The following RBPJ variants were observed in gnomAD, a reference collection of about 807,000 sequenced individuals.
The protein encoded by RBPJ is recombining binding protein suppressor of hairless.
In RBPJ, 9 loss-of-function variants were observed where a neutral mutation model predicts 67.8. The ratio of observed to expected loss-of-function variants is 0.13; its 90% CI spans 0.08 to 0.23. RBPJ has a LOEUF of 0.23. RBPJ is among the 10% of genes least tolerant of loss of function. The pLI is 1.00. For synonymous variants in RBPJ, 198 were observed against 203.3 expected, an observed-to-expected ratio of 0.97 and a Z score of 0.22; for missense variants, 305 against 595.6, an observed-to-expected ratio of 0.51 and a Z score of 5.08.
At chr4:26,307,282 C>A (rs1168732928) in intron 1 of RBPJ, among the ~76,000 whole-genome samples, 2 of 152,174 alleles carry the variant, frequency 1.3e-5, no homozygotes, top group Non-Finnish European at 2.9e-5. Context: ...TCACAGCATC[C>A]CTTTAACTAG....
rs1730809752 is a variant in RBPJ at position 26,385,384 on chromosome 4, C to T, written c.21-969C>T. Among the ~76,000 whole-genome samples, 3 of 152,154 alleles carry T rather than the reference C, an allele frequency of 2.0e-5. No individual in the cohort carries two copies. The South Asian group carries it at 6.2e-4, about 32-fold the overall frequency. On this transcript the variant is annotated intron_variant, in intron 1 of 10. Transcript: ENST00000355476. ...CCTCAACAACTCTTTGAGGTAAGCA[C>T]AGTCACTGTGTCCTTTTTACAGATG... is the stretch of plus-strand genomic sequence containing the variant.
At chr4:26,218,627 G>C (rs572346058) in intron 1 of RBPJ, among the ~76,000 whole-genome samples, 1 of 152,140 alleles carries the variant, frequency 6.6e-6, no homozygotes, top group South Asian at 2.1e-4. Context: ...TGTGCCAGGC[G>C]TGCAAATCCC....
chr4:26,161,946 A>G (rs1204944636), upstream of RBPJ, among the ~76,000 whole-genome samples: 1 of 152,214 alleles, frequency 6.6e-6, no homozygotes, highest in Non-Finnish European at 1.5e-5. Flanking sequence ...AGGAGAATAG[A>G]ATACTTGGCT....
intron 1 of RBPJ, among the ~76,000 whole-genome samples, chr4:26,374,714 T>TC (rs780404451): frequency 6.6e-6 from 1 of 151,974 alleles, no homozygotes; most frequent in Non-Finnish European, 1.5e-5. Context: ...GACCTAGTGA[T>TC]CCACCTGCCT....
intron 1 of RBPJ, among the ~76,000 whole-genome samples, chr4:26,364,955 G>A (rs1370292846): frequency 6.6e-6 from 1 of 151,966 alleles, no homozygotes; most frequent in Non-Finnish European, 1.5e-5. Context: ...AGCTTACTTA[G>A]ATCCTGGGGT....
rs531525041 is a variant in RBPJ at position 26,290,310 on chromosome 4, C to A, written c.-166-72136C>A. Among the ~76,000 whole-genome samples, 32 of 127,024 alleles carry A rather than the reference C, an allele frequency of 2.5e-4. No individual in the cohort carries two copies. In the South Asian group the frequency reaches 7.9e-3, roughly 31 times the overall value. 83.3% of individuals were successfully genotyped at this position (127,024 alleles called of 152,430 possible). On this transcript the variant is annotated intron_variant, in intron 1 of 4. Coordinates refer to the RBPJ transcript ENST00000512351. ...GCTATGATTGCACCACAGAACGAGA[C>A]CCTGTCTAAAAAAAAAAAAAAAAAA...
intron 1 of RBPJ, among the ~76,000 whole-genome samples, chr4:26,263,983 T>G (rs1720631698): frequency 6.6e-6 from 1 of 152,032 alleles, no homozygotes; most frequent in Non-Finnish European, 1.5e-5. Context: ...TAAGCGATTC[T>G]CCTGTCTCAG....
At chr4:26,114,435 C>T in the RBPJ span, among the ~76,000 whole-genome samples, 1 of 137,144 alleles carries the variant, frequency 7.3e-6, no homozygotes, top group Non-Finnish European at 1.6e-5. Context: ...CCAGCCCAGG[C>T]AACAAGAGTG....
chr4:26,243,785 T>C (rs929113813), intron 1 of RBPJ, among the ~76,000 whole-genome samples: 4 of 152,300 alleles, frequency 2.6e-5, no homozygotes, highest in African/African-American at 7.2e-5. Context: ...CATATTTATC[T>C]TAAAAGCTAT....
intron 1 of RBPJ, among the ~76,000 whole-genome samples, chr4:26,271,312 T>G (rs1222339619): frequency 1.3e-5 from 2 of 152,206 alleles, no homozygotes; most frequent in Non-Finnish European, 2.9e-5. Flanking sequence ...GGCTTGAGAC[T>G]TATCACCCAT....
intron 1 of RBPJ, among the ~76,000 whole-genome samples, chr4:26,373,797 CATACAT>C (rs1356938277): frequency 2.0e-5 from 3 of 152,050 alleles, no homozygotes; most frequent in Non-Finnish European, 4.4e-5. Context: ...AGATTTATGA[CATACAT>C]ATATGTGCAC....
chr4:26,330,638 G>C (rs1168162122), intron 1 of RBPJ, among the ~76,000 whole-genome samples: 1 of 152,200 alleles, frequency 6.6e-6, no homozygotes, highest in Non-Finnish European at 1.5e-5. Context: ...ATTCACAAGT[G>C]AACAAAGCAC....
intron 1 of RBPJ, among the ~76,000 whole-genome samples, chr4:26,201,715 G>T (rs1219536375): frequency 6.6e-6 from 1 of 152,174 alleles, no homozygotes; most frequent in Non-Finnish European, 1.5e-5. Flanking sequence ...GTGCAAACAG[G>T]CTATATTTTT....
the RBPJ span, among the ~76,000 whole-genome samples, chr4:26,106,329 G>T: frequency 4.6e-5 from 7 of 152,216 alleles, no homozygotes; most frequent in African/African-American, 1.7e-4. Flanking sequence ...TTAGTGAGAT[G>T]AATGCCTCAC....
At chr4:26,195,343 G>A (rs949309437) in intron 1 of RBPJ, among the ~76,000 whole-genome samples, 1 of 152,158 alleles carries the variant, frequency 6.6e-6, no homozygotes, top group African/African-American at 2.4e-5. Context: ...CCATCAACTG[G>A]TGAATGGATA....
At chr4:26,209,853 C>A (rs1718322909) in intron 1 of RBPJ, among the ~76,000 whole-genome samples, 1 of 139,884 alleles carries the variant, frequency 7.1e-6, no homozygotes, top group South Asian at 2.3e-4. Flanking sequence ...CCCTCTCTCC[C>A]TCCCTTCCTC....
At chr4:26,321,282 C>G (rs1322155426) in intron 1 of RBPJ, 3 of 149,764 alleles carry the variant, frequency 2.0e-5, no homozygotes, top group Non-Finnish European at 2.9e-5. Flanking sequence ...GCGGCGAGGC[C>G]GGCGGGTGCG....
rs190454523 is a variant in RBPJ at position 26,391,880 on chromosome 4, A to G, written c.59+5489A>G. ...TGGGTGGCTTATAAGCCACAAATTT[A>G]TGTCTCATAATTCTGGAGGCTGGGA... On this transcript the variant is annotated intron_variant, in intron 2 of 10. Transcript: ENST00000355476. Among the ~76,000 whole-genome samples the G allele has an allele frequency of 5.8e-4, 89 of 152,324 alleles. 2 individuals are homozygous for G. The highest frequency in any genetic ancestry group is 5.3e-3 in the Admixed American group (81 of 15,306).
intron 1 of RBPJ, among the ~76,000 whole-genome samples, chr4:26,361,662 A>G (rs1728074740): frequency 6.6e-6 from 1 of 152,180 alleles, no homozygotes; most frequent in Non-Finnish European, 1.5e-5. Context: ...GAATATATTT[A>G]TTGATCAGTT....
Sources: allele counts gnomAD v4.1 joint callset (sites outside exome capture counted in the v4.1 genomes callset), GRCh38; gene constraint gnomAD v4.1.1; transcripts MANE v1.5; gene names NCBI Gene and HGNC (gene_info 2026-07-23, HGNC 2026-07-21).